MID2: variants seen among roughly 807,000 people sequenced by gnomAD.
MID2 encodes probable E3 ubiquitin-protein ligase MID2.
Under a neutral mutation model 46.1 loss-of-function variants are expected in MID2, and 13 were observed. The ratio of observed to expected loss-of-function variants is 0.28; its 90% CI spans 0.18 to 0.45. The LOEUF (loss-of-function observed/expected upper bound fraction) is 0.45. Among genes scored for constraint, MID2 ranks in the 20% least tolerant of loss-of-function variants. The probability of loss-of-function intolerance (pLI) is 1.00; values close to 1 mark genes in which losing one functional copy is unlikely to be tolerated. For missense variants in MID2, 431 were observed against 575.4 expected, an observed-to-expected ratio of 0.75 and a Z score of 2.57; for synonymous variants, 199 against 212.3, an observed-to-expected ratio of 0.94 and a Z score of 0.55.
chrX:107,833,427 A>AT (rs200564609), intron 1 of MID2, among the ~76,000 whole-genome samples: 7,195 of 105,129 alleles, frequency 0.068, 229 homozygotes, highest in African/African-American at 0.096. Flanking sequence ...ATATATATAT[A>AT]TATTTTTTTT....
At position 107,924,465 on chromosome X, in the gene MID2, G is replaced by A. The variant is rs750972972; in HGVS notation, c.1558G>A (p.Gly520Ser). The change falls in exon 8 of 10, where the codon GGC (glycine) becomes AGC (serine). Residue 520 changes from glycine (G) to serine (S), a missense_variant. Coordinates refer to ENST00000262843, the MANE Select transcript of MID2 (RefSeq NM_012216.4). The part of the protein sequence containing the change: ...IFIVKAINQA[G>S]SRNSEPTRLK... ...CATCGTTAAAGCCATAAACCAAGCCGGCAGCCGGAACAGTGAACCTACCCG... is the reference window on the plus strand; with the variant it reads ...CATCGTTAAAGCCATAAACCAAGCCAGCAGCCGGAACAGTGAACCTACCCG... 4.1e-6 allele frequency: 5 copies of A among 1,211,438 alleles called. No individual in the cohort carries two copies. Among genetic ancestry groups the A allele is most frequent in the Non-Finnish European group, 3.4e-6 (3 of 895,247 alleles).
At chrX:107,857,392 C>T (rs1602468357) in intron 3 of MID2, among the ~76,000 whole-genome samples, 2 of 110,158 alleles carry the variant, frequency 1.8e-5, no homozygotes, top group African/African-American at 3.3e-5. Context: ...GTGATTCTCC[C>T]GTCTCAGCCT....
chrX:107,875,162 C>A (rs1932169136), intron 3 of MID2, among the ~76,000 whole-genome samples: 1 of 111,618 alleles, frequency 9.0e-6, no homozygotes, highest in South Asian at 3.8e-4. Flanking sequence ...CAAATGCAAA[C>A]AAATACTGGG....
intron 3 of MID2, among the ~76,000 whole-genome samples, chrX:107,881,344 T>A (rs1032194160): frequency 1.8e-5 from 2 of 112,359 alleles, no homozygotes; most frequent in African/African-American, 6.5e-5. Context: ...GTTGCTTCAA[T>A]ACAGAAAGAG....
intron 1 of MID2, among the ~76,000 whole-genome samples, chrX:107,828,092 T>A (rs1182640181): frequency 9.0e-6 from 1 of 110,688 alleles, no homozygotes; most frequent in African/African-American, 3.3e-5. Flanking sequence ...TCCTGAGATC[T>A]GGTCGTTTAA....
rs141602275 is a variant in MID2 at position 107,925,764 on chromosome X, G to A, written c.1598-330G>A. ...CCCTTTTACTTTGATAATATATGATGTGGGGGACAGCTTATTAGCTCCTCT... is the reference window on the plus strand; with the variant it reads ...CCCTTTTACTTTGATAATATATGATATGGGGGACAGCTTATTAGCTCCTCT... On this transcript the variant is annotated intron_variant, in intron 8 of 9. Transcript: ENST00000262843. 5.6e-3 allele frequency among the ~76,000 whole-genome samples: 622 copies of A among 111,501 alleles called. 4 individuals carry two copies. Among genetic ancestry groups the A allele is most frequent in the African/African-American group, 0.019 (579 of 30,724 alleles).
chrX:107,871,579 A>G (rs907550870), intron 3 of MID2, among the ~76,000 whole-genome samples: 1 of 111,550 alleles, frequency 9.0e-6, no homozygotes, highest in African/African-American at 3.3e-5. Context: ...CTTGTTCAAC[A>G]TCCAAGAGGA....
intron 3 of MID2, among the ~76,000 whole-genome samples, chrX:107,862,264 T>G (rs989915341): frequency 2.7e-5 from 3 of 111,606 alleles, no homozygotes; most frequent in Non-Finnish European, 5.6e-5. Flanking sequence ...ACTACACATT[T>G]TGCCAGAGAT....
chrX:107,845,828 C>T (rs1377970745), intron 2 of MID2, among the ~76,000 whole-genome samples: 5 of 111,011 alleles, frequency 4.5e-5, no homozygotes, highest in African/African-American at 1.6e-4. Context: ...GACAGATACC[C>T]TCTCAACTAA....
chrX:107,867,759 A>G (rs924922943), intron 3 of MID2, among the ~76,000 whole-genome samples: 25 of 111,670 alleles, frequency 2.2e-4, no homozygotes, highest in African/African-American at 7.2e-4. Context: ...TAAGAAAGAG[A>G]AGTTAAGAAT....
At chrX:107,871,399 C>T (rs1327213497) in intron 3 of MID2, among the ~76,000 whole-genome samples, 4 of 111,209 alleles carry the variant, frequency 3.6e-5, no homozygotes, top group Non-Finnish European at 5.7e-5. Flanking sequence ...CTGGCAGGAG[C>T]GAAACTGTGC....
In MID2 at chrX:107,826,441, C is replaced by A; in HGVS notation, c.4+11C>A. 8.8e-7 allele frequency: 1 copy of A among 1,134,927 alleles called. No individual in the cohort carries two copies. Among genetic ancestry groups the A allele is most frequent in the South Asian group, 2.0e-5 (1 of 50,152 alleles). 93.5% of individuals were successfully genotyped at this position (1,134,927 alleles called of 1,213,427 possible). ...CTGGGAACGCTATGGGTAAAACGCG[C>A]CCCCTCGCCGCGGCCCTGGAGGTCG... On this transcript the variant is annotated intron_variant, in intron 1 of 9. Coordinates refer to ENST00000262843, the MANE Select transcript of MID2 (RefSeq NM_012216.4).
intron 3 of MID2, among the ~76,000 whole-genome samples, chrX:107,886,554 C>T (rs1052678219): frequency 5.4e-5 from 6 of 111,707 alleles, no homozygotes; most frequent in Non-Finnish European, 5.6e-5. Flanking sequence ...CGTCAGGTAG[C>T]GTGATGCTTC....
At position 107,926,999 on chromosome X, in the gene MID2, T is replaced by A. The variant is rs1933192147; in HGVS notation, c.2134T>A (p.Tyr712Asn). The A allele has an allele frequency of 1.7e-6, 2 of 1,210,883 alleles. No homozygotes were observed. The highest frequency in any genetic ancestry group is 5.9e-5 in the East Asian group (2 of 33,841). ...CTTGCCTGCCCCAGATTTTATTGATTACCCTGAGCGGCAGGAATGCAACTG... is the reference window on the plus strand; with the variant it reads ...CTTGCCTGCCCCAGATTTTATTGATAACCCTGAGCGGCAGGAATGCAACTG... ...SGLPAPDFID[Y>N]PERQECNCRP... is the part of the protein sequence containing the mutation. Residue 712 changes from tyrosine (Y) to asparagine (N), a missense_variant, in exon 10 of 10, where the codon TAC becomes AAC. By Grantham distance (143) the Tyr-to-Asn change is moderately radical. Coordinates refer to ENST00000262843, the MANE Select transcript of MID2 (RefSeq NM_012216.4).
In MID2 at chrX:107,847,615, G is replaced by C. The variant is rs754220736; in HGVS notation, c.720+6230G>C. Reference sequence around the variant, plus strand: ...ATTAGGAAGGGGTGGCAGTTTTTTGGGGATGCTTTGACTTTAGATTTGAGT... The same window carrying C: ...ATTAGGAAGGGGTGGCAGTTTTTTGCGGATGCTTTGACTTTAGATTTGAGT... On this transcript the variant is annotated intron_variant, in intron 2 of 9. Coordinates refer to ENST00000262843, the MANE Select transcript of MID2 (RefSeq NM_012216.4). Among the ~76,000 whole-genome samples, 5 of 111,653 alleles carry C rather than the reference G, an allele frequency of 4.5e-5. No individual in the cohort carries two copies. In the South Asian group the frequency reaches 1.5e-3, roughly 34 times the overall value.
chrX:107,904,109 A>G, intron 4 of MID2, 44 bp downstream of exon 4: 2 of 894,663 alleles, frequency 2.2e-6, no homozygotes, highest in Non-Finnish European at 3.3e-6. Context: ...GGTTGACTTT[A>G]CAAATATCAA....
intron 3 of MID2, among the ~76,000 whole-genome samples, chrX:107,858,804 T>C (rs752997433): frequency 8.9e-6 from 1 of 112,472 alleles, no homozygotes; most frequent in Non-Finnish European, 1.9e-5. Flanking sequence ...GTGTGCCACC[T>C]TTTTCTTCTT....
At chrX:107,850,977 G>T (rs1931598903) in intron 2 of MID2, among the ~76,000 whole-genome samples, 1 of 112,241 alleles carries the variant, frequency 8.9e-6, no homozygotes, top group African/African-American at 3.2e-5. Flanking sequence ...ATTACAGTTG[G>T]AAACACAAAT....
intron 1 of MID2, among the ~76,000 whole-genome samples, chrX:107,839,499 G>A (rs770923153): frequency 2.7e-5 from 3 of 109,840 alleles, no homozygotes; most frequent in African/African-American, 9.9e-5. Context: ...AGCCTCCCGA[G>A]TAGCTGGGAC....
Sources: allele counts gnomAD v4.1 joint callset (sites outside exome capture counted in the v4.1 genomes callset), GRCh38; gene constraint gnomAD v4.1.1; transcripts MANE v1.5; gene names NCBI Gene and HGNC (gene_info 2026-07-23, HGNC 2026-07-21).